CACNA2D1: variants seen among roughly 807,000 people sequenced by gnomAD.
CACNA2D1 encodes voltage-dependent calcium channel subunit alpha-2/delta-1.
Under a neutral mutation model 171.5 loss-of-function variants are expected in CACNA2D1, and 53 were observed. The ratio of observed to expected loss-of-function variants is 0.31; its 90% CI spans 0.25 to 0.39. CACNA2D1 has a LOEUF of 0.39. CACNA2D1 is among the 10% of genes least tolerant of loss of function. The probability of loss-of-function intolerance (pLI) is 1.00; values close to 1 mark genes in which losing one functional copy is unlikely to be tolerated. For synonymous variants in CACNA2D1, 442 were observed against 443.1 expected, an observed-to-expected ratio of 1.00 and a Z score of 0.03; for missense variants, 903 against 1,299.8, an observed-to-expected ratio of 0.69 and a Z score of 4.69.
At chr7:82,244,589 T>C (rs948365303) in intron 3 of CACNA2D1, among the ~76,000 whole-genome samples, 2 of 151,814 alleles carry the variant, frequency 1.3e-5, no homozygotes, top group Non-Finnish European at 2.9e-5. Context: ...CCTGACGTCT[T>C]AACATCAGTT....
At chr7:82,316,880 C>A (rs1264316594) in intron 3 of CACNA2D1, among the ~76,000 whole-genome samples, 2 of 152,054 alleles carry the variant, frequency 1.3e-5, no homozygotes, top group African/African-American at 4.8e-5. Context: ...GGAAACTGCC[C>A]CCATGATTCA....
intron 20 of CACNA2D1, among the ~76,000 whole-genome samples, chr7:81,994,363 A>C (rs2130772197): frequency 6.6e-6 from 1 of 152,206 alleles, no homozygotes; most frequent in Non-Finnish European, 1.5e-5. Context: ...AAGTGCTGGG[A>C]AATTTTAAAG....
intron 4 of CACNA2D1, among the ~76,000 whole-genome samples, chr7:82,164,961 C>T (rs1426931509): frequency 2.0e-5 from 3 of 151,980 alleles, no homozygotes; most frequent in African/African-American, 7.2e-5. Context: ...CCTCTTTTGA[C>T]AGCTGCAATT....
intron 23 of CACNA2D1, among the ~76,000 whole-genome samples, chr7:81,982,948 G>C (rs1796589384): frequency 6.6e-6 from 1 of 151,974 alleles, no homozygotes; most frequent in South Asian, 2.1e-4. Context: ...TATACCAGAG[G>C]TATTTTAAAG....
intron 1 of CACNA2D1, among the ~76,000 whole-genome samples, chr7:82,428,906 A>T (rs1335667988): frequency 1.3e-5 from 2 of 152,200 alleles, no homozygotes; most frequent in African/African-American, 4.8e-5. Flanking sequence ...GCATAGACTC[A>T]TATGGTTCTG....
chr7:82,394,626 G>A (rs187705422), intron 1 of CACNA2D1, among the ~76,000 whole-genome samples: 13 of 152,192 alleles, frequency 8.5e-5, no homozygotes, highest in Admixed American at 5.2e-4. Context: ...GGTTTATTTC[G>A]GGTAAGTTTT....
chr7:82,099,804 G>C (rs969097778), intron 6 of CACNA2D1, among the ~76,000 whole-genome samples: 5 of 152,086 alleles, frequency 3.3e-5, no homozygotes, highest in African/African-American at 1.2e-4. Context: ...GTAGGAATCA[G>C]ATCATATTAT....
chr7:82,125,830 G>T (rs1350607775), intron 5 of CACNA2D1, among the ~76,000 whole-genome samples: 1 of 152,082 alleles, frequency 6.6e-6, no homozygotes, highest in Admixed American at 6.5e-5. Context: ...TGTATTTTGT[G>T]CATGCATTAT....
Position 82,084,899 on chromosome 7 carries a change from T to G in CACNA2D1, c.528A>C (p.Ser176=), listed in dbSNP as rs138577227. Reference sequence around the variant, plus strand: ...AGTTGAGTTCATTTAACACAATTGTTGCTAACAAAAAAGAGAGAAACCATT... The same window carrying G: ...AGTTGAGTTCATTTAACACAATTGTGGCTAACAAAAAAGAGAGAAACCATT... The part of the protein sequence containing the change: ...VHIPTDIYEG[S]TIVLNELNWT... Residue 176 remains serine, a splice_region_variant and synonymous_variant, in exon 7 of 39, where the codon TCA becomes TCC. Coordinates refer to ENST00000356860, the MANE Select transcript of CACNA2D1 (RefSeq NM_000722.4). 133 of 1,612,122 alleles carry G rather than the reference T, an allele frequency of 8.2e-5. No individual in the cohort carries two copies. The highest frequency in any genetic ancestry group is 1.1e-4 in the Non-Finnish European group (125 of 1,178,346).
chr7:82,078,870 A>G (rs1008635418), intron 7 of CACNA2D1, among the ~76,000 whole-genome samples: 6 of 152,108 alleles, frequency 3.9e-5, no homozygotes, highest in Admixed American at 3.9e-4. Context: ...CAAGAAGGAG[A>G]GGAGAAAGAG....
intron 6 of CACNA2D1, among the ~76,000 whole-genome samples, chr7:82,103,083 G>C (rs942796233): frequency 6.6e-6 from 1 of 152,108 alleles, no homozygotes; most frequent in Non-Finnish European, 1.5e-5. Context: ...TAAGGCAGGC[G>C]GATCACTTGA....
chr7:82,105,864 T>C (rs1342535517), intron 6 of CACNA2D1, among the ~76,000 whole-genome samples: 4 of 152,172 alleles, frequency 2.6e-5, no homozygotes, highest in Non-Finnish European at 5.9e-5. Context: ...CCAGTGACTG[T>C]CATTTGAAAG....
intron 1 of CACNA2D1, among the ~76,000 whole-genome samples, chr7:82,432,620 C>T (rs988617175): frequency 2.0e-5 from 3 of 152,184 alleles, no homozygotes; most frequent in African/African-American, 4.8e-5. Flanking sequence ...AGCCTACAAG[C>T]GAGCCCTCGC....
At chr7:82,058,588 C>G (rs1806227476) in intron 10 of CACNA2D1, among the ~76,000 whole-genome samples, 1 of 152,042 alleles carries the variant, frequency 6.6e-6, no homozygotes, top group South Asian at 2.1e-4. Context: ...CATACAGGGT[C>G]AGATAGATTG....
intron 1 of CACNA2D1, among the ~76,000 whole-genome samples, chr7:82,393,071 AAGGAAGGAAGGAAGGC>A (rs1214301141): frequency 4.9e-4 from 62 of 125,348 alleles, no homozygotes; most frequent in Non-Finnish European, 4.4e-4. Flanking sequence ...GGAAGGAAGG[AAGGAAGGAAGGAAGGC>A]AGGCAGGCAG....
chr7:81,952,143 C>T (rs1373651736), intron 38 of CACNA2D1, among the ~76,000 whole-genome samples: 3 of 150,940 alleles, frequency 2.0e-5, no homozygotes, highest in African/African-American at 7.3e-5. Context: ...TGAGAACTGT[C>T]TATTCATGTT....
chr7:82,418,141 C>T (rs1419843802), intron 1 of CACNA2D1, among the ~76,000 whole-genome samples: 1 of 152,186 alleles, frequency 6.6e-6, no homozygotes, highest in Non-Finnish European at 1.5e-5. Flanking sequence ...TCCTTCTTCA[C>T]ATGGCAGCAG....
chr7:82,325,884 GT>G (rs1816593269), intron 3 of CACNA2D1, among the ~76,000 whole-genome samples: 1 of 152,174 alleles, frequency 6.6e-6, no homozygotes, highest in Non-Finnish European at 1.5e-5. Context: ...TCTGTGTGGA[GT>G]TTGCATGTTC....
At chr7:82,019,059 T>C (rs978119863) in intron 12 of CACNA2D1, among the ~76,000 whole-genome samples, 1 of 151,990 alleles carries the variant, frequency 6.6e-6, no homozygotes, top group Non-Finnish European at 1.5e-5. Flanking sequence ...CAGTGGCTCA[T>C]GTCTGTAATT....
Sources: allele counts gnomAD v4.1 joint callset (sites outside exome capture counted in the v4.1 genomes callset), GRCh38; gene constraint gnomAD v4.1.1; transcripts MANE v1.5; gene names NCBI Gene and HGNC (gene_info 2026-07-23, HGNC 2026-07-21).